PHF3: variants seen among roughly 807,000 people sequenced by gnomAD.
The protein encoded by PHF3 is PHD finger protein 3.
Under a neutral mutation model 178.4 loss-of-function variants are expected in PHF3, and 41 were observed. That is an observed-to-expected ratio of 0.23 (90% CI 0.18 to 0.30). The LOEUF (loss-of-function observed/expected upper bound fraction) is 0.30, where lower values mean the gene tolerates loss of function less well. PHF3 is among the 10% of genes least tolerant of loss of function. The pLI is 1.00. For missense variants in PHF3, 2,346 were observed against 2,398.1 expected, an observed-to-expected ratio of 0.98 and a Z score of 0.45; for synonymous variants, 842 against 800.5, an observed-to-expected ratio of 1.05 and a Z score of -0.88.
chr6:63,644,887 A>ATT (rs56713654), intron 1 of PHF3, among the ~76,000 whole-genome samples: 3 of 135,302 alleles, frequency 2.2e-5, no homozygotes, highest in African/African-American at 8.2e-5. Context: ...AATTTGTTGG[A>ATT]TTTTTTTTTT....
intron 14 of PHF3, among the ~76,000 whole-genome samples, chr6:63,709,755 A>G (rs1336369963): frequency 2.6e-5 from 4 of 152,188 alleles, no homozygotes; most frequent in Non-Finnish European, 5.9e-5. Context: ...CCATCCATAC[A>G]TAGCTGCTAG....
Position 63,711,778 on chromosome 6 carries a change from A to G in PHF3, c.4190A>G (p.Asp1397Gly). 6.2e-7 allele frequency: 1 copy of G among 1,612,968 alleles called. No homozygotes were observed. Among genetic ancestry groups the G allele is most frequent in the South Asian group, 1.1e-5 (1 of 90,886 alleles). The change falls in exon 16 of 16, where the codon GAC becomes GGC. Residue 1397 changes from aspartate to glycine, a missense_variant. Coordinates refer to ENST00000262043, the MANE Select transcript of PHF3 (RefSeq NM_001370348.2). ...STEEAPEEEN[D>G]FFNSFTTVLH... is the part of the protein sequence containing the mutation. ...GAAGAAGCACCAGAGGAAGAAAATG[A>G]CTTTTTTAATTCTTTTACAACTGTA... is the stretch of plus-strand genomic sequence containing the variant.
chr6:63,658,815 T>A (rs370174209), intron 2 of PHF3, among the ~76,000 whole-genome samples: 2 of 151,862 alleles, frequency 1.3e-5, no homozygotes, highest in African/African-American at 4.8e-5. Context: ...TTGGCTTATG[T>A]GATTGTGGAG....
Position 63,717,114 on chromosome 6 carries a change from CAAT to C in PHF3, c.*3409_*3411del, listed in dbSNP as rs1768214635. ...TAAATACATGTGAAAAATTTAAGAACAATAACACCAGCAATAGAGAAGAAAATG... is the reference window on the plus strand; with the variant it reads ...TAAATACATGTGAAAAATTTAAGAACAACACCAGCAATAGAGAAGAAAATG... On this transcript the variant is annotated 3_prime_UTR_variant, in exon 16 of 16. Coordinates refer to ENST00000262043, the MANE Select transcript of PHF3 (RefSeq NM_001370348.2). Among the ~76,000 whole-genome samples the C allele has an allele frequency of 6.6e-6, 1 of 151,918 alleles. No homozygotes were observed. Among genetic ancestry groups the C allele is most frequent in the Admixed American group, 6.6e-5 (1 of 15,206 alleles).
chr6:63,695,386 G>T (rs61369380), intron 6 of PHF3, among the ~76,000 whole-genome samples: 1 of 152,136 alleles, frequency 6.6e-6, no homozygotes, highest in African/African-American at 2.4e-5. Context: ...TCTGTATAGC[G>T]TTCCTCTCCC....
In PHF3 at chr6:63,703,636, A is replaced by G. The variant is rs776631385; in HGVS notation, c.3332A>G (p.Gln1111Arg). Reference sequence around the variant, plus strand: ...AAAGATACCACTAGTCAACACAGACAGCATCTTTTTGATCTCAACTGCAAA... The same window carrying G: ...AAAGATACCACTAGTCAACACAGACGGCATCTTTTTGATCTCAACTGCAAA... ...MSKDTTSQHR[Q>R]HLFDLNCKIC... The change falls in exon 11 of 16, where the codon CAG (glutamine) becomes CGG (arginine). Residue 1111 changes from glutamine to arginine, a missense_variant. By Grantham distance (43) the Gln-to-Arg change is conservative. Around this residue, in one of 8 missense-constraint regions of PHF3, gnomAD observed 205 missense variants for 212.4 expected, o/e 0.97. Coordinates refer to ENST00000262043, the MANE Select transcript of PHF3 (RefSeq NM_001370348.2). 18 of 1,605,860 alleles carry G rather than the reference A, an allele frequency of 1.1e-5. No individual in the cohort carries two copies. The highest frequency in any genetic ancestry group is 1.6e-4 in the Middle Eastern group (1 of 6,064).
At position 63,687,351 on chromosome 6, in the gene PHF3, G is replaced by A. The variant is rs188880701; in HGVS notation, c.2189+1440G>A. ...AGGCATGAGAATCACTTGAACCTGAGAAATGGAGGTTGCAGTGAGCCGACA... is the reference window on the plus strand; with the variant it reads ...AGGCATGAGAATCACTTGAACCTGAAAAATGGAGGTTGCAGTGAGCCGACA... On this transcript the variant is annotated intron_variant, in intron 4 of 15. Coordinates refer to ENST00000262043, the MANE Select transcript of PHF3 (RefSeq NM_001370348.2). 2.7e-4 allele frequency among the ~76,000 whole-genome samples: 41 copies of A among 152,298 alleles called. No individual in the cohort carries two copies. The East Asian group carries it at 7.5e-3, about 28-fold the overall frequency.
chr6:63,644,354 A>G (rs769654513), intron 1 of PHF3, among the ~76,000 whole-genome samples: 55 of 152,194 alleles, frequency 3.6e-4, no homozygotes, highest in Non-Finnish European at 1.2e-4. Flanking sequence ...GAATATTTTC[A>G]TAAATTATTT....
intron 6 of PHF3, among the ~76,000 whole-genome samples, chr6:63,696,598 G>T (rs67722441): frequency 0.084 from 12,753 of 152,242 alleles, 576 homozygotes; most frequent in East Asian, 0.16. Flanking sequence ...GGGATTACAG[G>T]CATGAGCCAT....
intron 6 of PHF3, among the ~76,000 whole-genome samples, chr6:63,697,161 A>AGG (rs1388928791): frequency 6.6e-6 from 1 of 152,180 alleles, no homozygotes; most frequent in Non-Finnish European, 1.5e-5. Flanking sequence ...CTCCACATGG[A>AGG]GGGAGGTATT....
chr6:63,685,991 GTT>G, intron 4 of PHF3, 80 bp downstream of exon 4: 1 of 934,478 alleles, frequency 1.1e-6, no homozygotes, highest in South Asian at 1.6e-5. Flanking sequence ...TGTGAGAATT[GTT>G]TTAAAGACAT....
intron 2 of PHF3, among the ~76,000 whole-genome samples, chr6:63,659,763 T>C (rs1489140825): frequency 6.6e-6 from 1 of 152,200 alleles, no homozygotes; most frequent in East Asian, 1.9e-4. Flanking sequence ...AATGTCATTT[T>C]GGTGTTCAAA....
At chr6:63,703,780 G>A in intron 11 of PHF3, 109 bp downstream of exon 11, 1 of 1,026,438 alleles carries the variant, frequency 9.7e-7, no homozygotes, top group Non-Finnish European at 1.4e-6. Context: ...TATTGGTGGT[G>A]AGGCACTCAC....
intron 2 of PHF3, among the ~76,000 whole-genome samples, chr6:63,672,690 A>G (rs1259542352): frequency 1.3e-5 from 2 of 152,058 alleles, no homozygotes; most frequent in African/African-American, 4.8e-5. Context: ...GAAGGACTCT[A>G]CTTCTATATT....
intron 2 of PHF3, among the ~76,000 whole-genome samples, chr6:63,659,144 C>T (rs1765361593): frequency 6.6e-6 from 1 of 152,160 alleles, no homozygotes. Flanking sequence ...AGTGAACAAT[C>T]TCTCACCACA....
At chr6:63,666,309 A>T (rs1268942503) in intron 2 of PHF3, among the ~76,000 whole-genome samples, 1 of 152,096 alleles carries the variant, frequency 6.6e-6, no homozygotes, top group Admixed American at 6.6e-5. Flanking sequence ...ATGAAAGTAA[A>T]TATTTGTAAC....
chr6:63,707,076 C>G (rs750668735), intron 13 of PHF3, among the ~76,000 whole-genome samples, 200 bp downstream of exon 13: 1 of 152,274 alleles, frequency 6.6e-6, no homozygotes, highest in Middle Eastern at 3.4e-3. Flanking sequence ...GTTTTAAACT[C>G]CTATGTCCTG....
chr6:63,704,279 A>G (rs950371516), intron 11 of PHF3, among the ~76,000 whole-genome samples: 1 of 151,910 alleles, frequency 6.6e-6, no homozygotes, highest in East Asian at 1.9e-4. Context: ...ATTGGCGTTC[A>G]CTCTTAGAGT....
In PHF3 at chr6:63,723,273, A is replaced by C. The variant is rs1303407418; in HGVS notation, c.*9565A>C. Among the ~76,000 whole-genome samples, 1 of 152,230 alleles carries C rather than the reference A, an allele frequency of 6.6e-6. No homozygotes were observed. The highest frequency in any genetic ancestry group is 2.4e-5 in the African/African-American group (1 of 41,460). ...TTAACTATAAGGAAAGAGAAGCAAC[A>C]TTATAAACTTTCAGATTAGGAAAGA... is the stretch of plus-strand genomic sequence containing the variant. On this transcript the variant is annotated 3_prime_UTR_variant, in exon 16 of 16. Transcript: ENST00000262043.
Sources: gnomAD v4.1 joint callset for allele counts (sites outside exome capture counted in the v4.1 genomes callset) on GRCh38, gnomAD v4.1.1 for gene constraint, gnomAD v4.1.1 regional missense constraint, MANE v1.5 for transcripts, NCBI Gene and HGNC (gene_info 2026-07-23, HGNC 2026-07-21) for gene names.